The following SLC2A13 variants were observed in gnomAD, a reference collection of about 807,000 sequenced individuals.
SLC2A13 encodes the protein proton myo-inositol cotransporter.
A neutral mutation model predicts 64.4 loss-of-function variants in SLC2A13; 32 were observed. The ratio of observed to expected loss-of-function variants is 0.50; its 90% CI spans 0.37 to 0.67. SLC2A13 has a LOEUF of 0.67. Among genes scored for constraint, SLC2A13 ranks in the 30% least tolerant of loss-of-function variants. SLC2A13 has a pLI of 0.00. For missense variants in SLC2A13, 743 were observed against 829.2 expected, an observed-to-expected ratio of 0.90 and a Z score of 1.28; for synonymous variants, 338 against 327.1, an observed-to-expected ratio of 1.03 and a Z score of -0.36.
intron 7 of SLC2A13, among the ~76,000 whole-genome samples, chr12:39,767,518 A>G (rs1019256664): frequency 6.6e-6 from 1 of 152,060 alleles, no homozygotes; most frequent in Non-Finnish European, 1.5e-5. Context: ...TCTCCTAACA[A>G]GAGACCCAGC....
chr12:39,992,018 T>C (rs369397795), intron 3 of SLC2A13, among the ~76,000 whole-genome samples: 1 of 152,164 alleles, frequency 6.6e-6, no homozygotes, highest in Non-Finnish European at 1.5e-5. Context: ...AAAGCTGATT[T>C]ACAAAGGAGA....
intron 1 of SLC2A13, among the ~76,000 whole-genome samples, chr12:40,071,813 G>C (rs1025506861): frequency 6.6e-6 from 1 of 152,022 alleles, no homozygotes; most frequent in East Asian, 1.9e-4. Context: ...CAATTTATGT[G>C]GTCTCTTTTT....
intron 5 of SLC2A13, among the ~76,000 whole-genome samples, chr12:39,866,826 T>C (rs1943924566): frequency 6.6e-6 from 1 of 152,192 alleles, no homozygotes; most frequent in African/African-American, 2.4e-5. Flanking sequence ...GCTATGATTA[T>C]TATTACAAGC....
At chr12:40,074,485 G>A (rs922937256) in intron 1 of SLC2A13, among the ~76,000 whole-genome samples, 1 of 151,978 alleles carries the variant, frequency 6.6e-6, no homozygotes, top group African/African-American at 2.4e-5. Context: ...TTCATTTCTG[G>A]CATAGTGTTT....
At chr12:39,771,648 A>G (rs1940582163) in intron 7 of SLC2A13, among the ~76,000 whole-genome samples, 1 of 152,144 alleles carries the variant, frequency 6.6e-6, no homozygotes, top group Admixed American at 6.6e-5. Context: ...GAAGTGCTAT[A>G]TTATTAATGT....
At chr12:39,964,459 G>A (rs1193698824) in intron 3 of SLC2A13, among the ~76,000 whole-genome samples, 1 of 152,134 alleles carries the variant, frequency 6.6e-6, no homozygotes, top group African/African-American at 2.4e-5. Context: ...TACTTATAAA[G>A]GTGCCATTCC....
At chr12:39,872,070 A>G in intron 4 of SLC2A13, 109 bp from the exon 5 acceptor site, 2 of 827,482 alleles carry the variant, frequency 2.4e-6, no homozygotes, top group Non-Finnish European at 3.4e-6. Flanking sequence ...GGAGAACTAC[A>G]GTAATAACAT....
chr12:39,942,313 T>A (rs1946045668), intron 4 of SLC2A13, among the ~76,000 whole-genome samples: 1 of 152,268 alleles, frequency 6.6e-6, no homozygotes, highest in Non-Finnish European at 1.5e-5. Context: ...TATGGTCATG[T>A]TCACAATATT....
intron 7 of SLC2A13, among the ~76,000 whole-genome samples, chr12:39,812,731 C>A (rs899351299): frequency 2.6e-5 from 4 of 151,740 alleles, no homozygotes; most frequent in African/African-American, 9.7e-5. Flanking sequence ...CTCAGCCTCC[C>A]AAACTGCTGG....
chr12:39,802,104 C>G (rs999396432), intron 7 of SLC2A13, among the ~76,000 whole-genome samples: 26 of 152,154 alleles, frequency 1.7e-4, no homozygotes, highest in African/African-American at 5.6e-4. Flanking sequence ...ATGGGCTGGT[C>G]AGGAAGGCCC....
intron 7 of SLC2A13, among the ~76,000 whole-genome samples, chr12:39,770,827 T>G (rs543974584): frequency 6.6e-6 from 1 of 152,298 alleles, no homozygotes; most frequent in Admixed American, 6.5e-5. Flanking sequence ...TCCTTTATAC[T>G]TTTAAGTCCA....
intron 1 of SLC2A13, among the ~76,000 whole-genome samples, chr12:40,086,506 G>A (rs1938591948): frequency 6.6e-6 from 1 of 152,050 alleles, no homozygotes; most frequent in African/African-American, 2.4e-5. Flanking sequence ...GTCTATTCTC[G>A]CCTATTCTCT....
intron 3 of SLC2A13, among the ~76,000 whole-genome samples, chr12:39,987,892 G>A (rs1447492745): frequency 6.6e-6 from 1 of 151,962 alleles, no homozygotes; most frequent in Non-Finnish European, 1.5e-5. Flanking sequence ...TACTGTAAAA[G>A]TACTGTTTAA....
At chr12:40,004,769 A>C (rs1157400984) in intron 3 of SLC2A13, among the ~76,000 whole-genome samples, 9 of 152,210 alleles carry the variant, frequency 5.9e-5, no homozygotes, top group Non-Finnish European at 1.0e-4. Flanking sequence ...TAACACAAAC[A>C]GTTGATTAAT....
At chr12:39,903,201 T>C (rs1274196922) in intron 4 of SLC2A13, among the ~76,000 whole-genome samples, 3 of 152,126 alleles carry the variant, frequency 2.0e-5, no homozygotes, top group Admixed American at 2.0e-4. Context: ...GAATATTACA[T>C]CTATCCTATG....
chr12:39,983,862 A>G (rs1170270473), intron 3 of SLC2A13, among the ~76,000 whole-genome samples: 49 of 142,592 alleles, frequency 3.4e-4, no homozygotes, highest in East Asian at 2.7e-3. Flanking sequence ...TCATGCTGCT[A>G]TAAAGACACA....
chr12:39,809,663 C>T (rs1403399735), intron 7 of SLC2A13, among the ~76,000 whole-genome samples: 1 of 152,156 alleles, frequency 6.6e-6, no homozygotes, highest in African/African-American at 2.4e-5. Context: ...CCCATCCCCC[C>T]ACCCCACAAC....
chr12:39,769,519 A>T (rs1345988753), intron 7 of SLC2A13, among the ~76,000 whole-genome samples: 1 of 121,804 alleles, frequency 8.2e-6, no homozygotes, highest in African/African-American at 3.3e-5. Flanking sequence ...TATTTGAGAA[A>T]AGAAAGTTTT....
intron 9 of SLC2A13, among the ~76,000 whole-genome samples, chr12:39,763,491 A>G (rs1940239336): frequency 6.6e-6 from 1 of 152,200 alleles, no homozygotes; most frequent in East Asian, 1.9e-4. Flanking sequence ...CTTGGCAGGA[A>G]CTGGGAATGT....
Sources: allele counts gnomAD v4.1 joint callset (sites outside exome capture counted in the v4.1 genomes callset), GRCh38; gene constraint gnomAD v4.1.1; transcripts MANE v1.5; gene names NCBI Gene and HGNC (gene_info 2026-07-23, HGNC 2026-07-21).